Variants in GRIN2A observed in about 807,000 individuals in gnomAD.
GRIN2A encodes glutamate receptor ionotropic, NMDA 2A.
GRIN2A carries 22 observed loss-of-function variants against 113.4 expected under a neutral mutation model. That is an observed-to-expected ratio of 0.19 (90% CI 0.14 to 0.28). GRIN2A has a LOEUF of 0.28. Ranked by LOEUF, GRIN2A falls within the 10% of genes least tolerant of loss-of-function variation. The probability of loss-of-function intolerance (pLI) is 1.00; values close to 1 mark genes in which losing one functional copy is unlikely to be tolerated. For synonymous variants in GRIN2A, 827 were observed against 738.4 expected, an observed-to-expected ratio of 1.12 and a Z score of -1.94; for missense variants, 1,502 against 1,887.0, an observed-to-expected ratio of 0.80 and a Z score of 3.78.
chr16:9,817,552 G>T (rs771935865), intron 10 of GRIN2A, among the ~76,000 whole-genome samples: 1 of 152,222 alleles, frequency 6.6e-6, no homozygotes, highest in Non-Finnish European at 1.5e-5. Context: ...ACAGATAAAA[G>T]AATCTCATGA....
chr16:9,987,324 T>C (rs554187427), intron 2 of GRIN2A, among the ~76,000 whole-genome samples: 1 of 152,180 alleles, frequency 6.6e-6, no homozygotes, highest in African/African-American at 2.4e-5. Context: ...ATTTTGTAGG[T>C]GCATATGAAA....
At chr16:10,088,985 G>A (rs958150613) in intron 2 of GRIN2A, among the ~76,000 whole-genome samples, 2 of 152,190 alleles carry the variant, frequency 1.3e-5, no homozygotes, top group Non-Finnish European at 2.9e-5. Flanking sequence ...GTATGACGTT[G>A]AGCAAGTTAC....
Position 9,764,175 on chromosome 16 carries a change from C to T in GRIN2A, c.3369G>A (p.Glu1123=). ...PRDKIYTIDG[E]KEPGFHLDPP... The stretch of plus-strand genomic sequence containing the variant: ...GATCTAAGTGGAAACCAGGCTCCTT[C>T]TCACCATCTATAGTGTAGATCTTGT... Residue 1123 remains glutamate, a synonymous_variant, in exon 13 of 13, where the codon GAG becomes GAA. Coordinates refer to ENST00000330684, the MANE Select transcript of GRIN2A (RefSeq NM_001134407.3). 6.2e-7 allele frequency: 1 copy of T among 1,613,480 alleles called. No homozygotes were observed. The highest frequency in any genetic ancestry group is 1.1e-5 in the South Asian group (1 of 91,026).
At chr16:9,966,676 G>C (rs990777379) in intron 2 of GRIN2A, among the ~76,000 whole-genome samples, 21 of 152,212 alleles carry the variant, frequency 1.4e-4, no homozygotes, top group Admixed American at 1.3e-3. Flanking sequence ...TCTGTCTTTA[G>C]GTCTTCGAGA....
chr16:9,979,193 C>T (rs937081077), intron 2 of GRIN2A, among the ~76,000 whole-genome samples: 1 of 152,144 alleles, frequency 6.6e-6, no homozygotes, highest in African/African-American at 2.4e-5. Context: ...AAGATTCAAG[C>T]TCTCATTCTG....
At chr16:9,922,581 C>G (rs2044377878) in intron 3 of GRIN2A, among the ~76,000 whole-genome samples, 1 of 152,174 alleles carries the variant, frequency 6.6e-6, no homozygotes. Context: ...ACATCAATTC[C>G]TGACTGTTCT....
chr16:9,974,637 G>A (rs1025013699), intron 2 of GRIN2A, among the ~76,000 whole-genome samples: 8 of 152,102 alleles, frequency 5.3e-5, no homozygotes, highest in Non-Finnish European at 1.2e-4. Context: ...TTTGTCTGCG[G>A]CTCGTCCTGC....
chr16:9,771,437 G>A (rs1486175497), intron 11 of GRIN2A, among the ~76,000 whole-genome samples: 3 of 151,718 alleles, frequency 2.0e-5, no homozygotes, highest in Admixed American at 1.3e-4. Context: ...AGTTCTGCCT[G>A]TTCTTTTTAT....
chr16:9,953,844 G>A (rs959730558), intron 2 of GRIN2A, among the ~76,000 whole-genome samples: 1 of 152,172 alleles, frequency 6.6e-6, no homozygotes, highest in African/African-American at 2.4e-5. Context: ...TAAGGCAAGT[G>A]GAGTAGGTAG....
chr16:10,038,875 CA>C (rs968190508), intron 2 of GRIN2A, among the ~76,000 whole-genome samples: 12 of 150,434 alleles, frequency 8.0e-5, no homozygotes, highest in Admixed American at 7.3e-4. Flanking sequence ...CAAAACAAAA[CA>C]AAAAAAACAA....
intron 2 of GRIN2A, among the ~76,000 whole-genome samples, chr16:10,043,870 T>C (rs994523386): frequency 4.0e-5 from 6 of 151,818 alleles, no homozygotes; most frequent in Non-Finnish European, 7.4e-5. Flanking sequence ...GGCTGCAATA[T>C]ACATATACAT....
intron 10 of GRIN2A, among the ~76,000 whole-genome samples, chr16:9,805,277 A>G (rs2041944679): frequency 6.6e-6 from 1 of 152,212 alleles, no homozygotes; most frequent in Admixed American, 6.5e-5. Flanking sequence ...ATGTTTGCAG[A>G]TGCTCTCTGG....
intron 2 of GRIN2A, among the ~76,000 whole-genome samples, chr16:9,978,038 T>C (rs2141763364): frequency 6.6e-6 from 1 of 152,338 alleles, no homozygotes; most frequent in East Asian, 1.9e-4. Context: ...ATATATTCAC[T>C]GGATGATTTT....
intron 2 of GRIN2A, among the ~76,000 whole-genome samples, chr16:10,164,685 T>A (rs535460221): frequency 4.7e-4 from 72 of 152,354 alleles, no homozygotes; most frequent in African/African-American, 1.7e-3. Flanking sequence ...ATATTTATTA[T>A]TTTTTAGAAA....
chr16:9,837,434 T>C (rs1293042672), intron 7 of GRIN2A, among the ~76,000 whole-genome samples: 1 of 152,190 alleles, frequency 6.6e-6, no homozygotes, highest in Non-Finnish European at 1.5e-5. Flanking sequence ...CTAGAGAAAC[T>C]GGGTTGAGGC....
At chr16:10,166,908 C>T (rs974129280) in intron 2 of GRIN2A, among the ~76,000 whole-genome samples, 3 of 152,110 alleles carry the variant, frequency 2.0e-5, no homozygotes, top group East Asian at 1.9e-4. Context: ...TTCTTCCTTA[C>T]GATTTTCCTT....
chr16:10,078,387 G>A (rs1275603327), intron 2 of GRIN2A, among the ~76,000 whole-genome samples: 1 of 151,944 alleles, frequency 6.6e-6, no homozygotes. Flanking sequence ...GTGAGACTCA[G>A]GAGCCACACA....
intron 2 of GRIN2A, among the ~76,000 whole-genome samples, chr16:10,040,417 A>G (rs2047140170): frequency 6.6e-6 from 1 of 151,600 alleles, no homozygotes; most frequent in Non-Finnish European, 1.5e-5. Context: ...ACACACCACC[A>G]CACACACTCA....
chr16:10,148,458 C>G (rs2049492214), intron 2 of GRIN2A, among the ~76,000 whole-genome samples: 1 of 152,206 alleles, frequency 6.6e-6, no homozygotes. Flanking sequence ...TAAATACTAT[C>G]TAAATGCCGA....
Sources: gnomAD v4.1 joint callset for allele counts (sites outside exome capture counted in the v4.1 genomes callset) on GRCh38, gnomAD v4.1.1 for gene constraint, MANE v1.5 for transcripts, NCBI Gene and HGNC (gene_info 2026-07-23, HGNC 2026-07-21) for gene names.